Variants in PCDHGA7 observed in about 807,000 individuals in gnomAD.
PCDHGA7 encodes the protein protocadherin gamma subfamily A, 7.
Under a neutral mutation model 58.3 loss-of-function variants are expected in PCDHGA7, and 44 were observed. The ratio of observed to expected loss-of-function variants is 0.75; its 90% CI spans 0.59 to 0.97. The LOEUF (loss-of-function observed/expected upper bound fraction) is 0.97, where lower values mean the gene tolerates loss of function less well. Ranked by LOEUF, PCDHGA7 falls within the 50% of genes least tolerant of loss-of-function variation. The pLI is 0.00. For missense variants in PCDHGA7, 1,266 were observed against 1,188.7 expected (o/e 1.06, Z -0.96); for synonymous variants, 516 against 504.2 (o/e 1.02, Z -0.31).
In PCDHGA7 at chr5:141,389,878, G is replaced by A. The variant is rs1369885786; in HGVS notation, c.2424+4555G>A. On this transcript the variant is annotated intron_variant, in intron 1 of 3. Coordinates refer to ENST00000518325, the MANE Select transcript of PCDHGA7 (RefSeq NM_018920.4). ...ACGTTGCACCTGGTCTTCGCCGACA[G>A]CTTGCAGGAGGTGCTGCCGGATATC... The A allele has an allele frequency of 6.2e-7, 1 of 1,613,972 alleles. No individual in the cohort carries two copies. The highest frequency in any genetic ancestry group is 1.3e-5 in the African/African-American group (1 of 74,952).
chr5:141,418,647 G>C, intron 1 of PCDHGA7: 1 of 1,614,034 alleles, frequency 6.2e-7, no homozygotes, highest in Non-Finnish European at 8.5e-7. Flanking sequence ...TCCATCCTGA[G>C]AGTGAAGGCC....
intron 1 of PCDHGA7, chr5:141,423,722 G>T: frequency 1.0e-6 from 1 of 954,174 alleles, no homozygotes; most frequent in Non-Finnish European, 1.3e-6. Flanking sequence ...TTAAGGAGAT[G>T]TTTTTTGAGC....
chr5:141,432,503 G>T lies in PCDHGA7; in HGVS notation c.2424+47180G>T, dbSNP rs939325676. 8.7e-6 allele frequency: 14 copies of T among 1,613,988 alleles called. No homozygotes were observed. The highest frequency in any genetic ancestry group is 1.3e-5 in the African/African-American group (1 of 74,930). ...TGGCGTGGAGCTGGCTCCCCGCTCC[G>T]CAGAGCCCGGCTACCTGGTGACCAA... On this transcript the variant is annotated intron_variant, in intron 1 of 3. Transcript: ENST00000518325. The surrounding 1 kb of genome is among the most constrained non-coding windows in gnomAD (Gnocchi z 6.0).
intron 1 of PCDHGA7, among the ~76,000 whole-genome samples, chr5:141,479,909 A>G (rs2099509651): frequency 6.6e-6 from 1 of 152,160 alleles, no homozygotes; most frequent in South Asian, 2.1e-4. Context: ...AAACACTGTT[A>G]TTTTGTTACT....
At chr5:141,436,950 C>A (rs894702404) in intron 1 of PCDHGA7, among the ~76,000 whole-genome samples, 3 of 152,138 alleles carry the variant, frequency 2.0e-5, no homozygotes, top group African/African-American at 7.2e-5. Flanking sequence ...ATAGTGAAAT[C>A]TAAACAAGGA....
chr5:141,391,176 T>C (rs562307508), intron 1 of PCDHGA7: 1 of 152,322 alleles, frequency 6.6e-6, no homozygotes, highest in African/African-American at 2.4e-5. Context: ...ACTGCCAATC[T>C]GGTGTGCATA....
Position 141,476,176 on chromosome 5 carries a change from G to C in PCDHGA7, c.2425-18631G>C, listed in dbSNP as rs778169270. 1 of 1,613,530 alleles carries C rather than the reference G, an allele frequency of 6.2e-7. No homozygotes were observed. The highest frequency in any genetic ancestry group is 8.5e-7 in the Non-Finnish European group (1 of 1,180,006). On this transcript the variant is annotated intron_variant, in intron 1 of 3. Transcript: ENST00000518325. The surrounding 1 kb of genome is among the most constrained non-coding windows in gnomAD (Gnocchi z 7.6). ...GCACCGGGAGGGTAGTGGGAGTTTT[G>C]CTTCTGCTTGGTGCCTTGAACAAGG...
At chr5:141,460,983 G>GTGTA (rs1554142949) in intron 1 of PCDHGA7, among the ~76,000 whole-genome samples, 1,579 of 137,794 alleles carry the variant, frequency 0.011, 39 homozygotes, top group African/African-American at 0.038. Context: ...GTGTGTGTGT[G>GTGTA]TATATATATA....
rs560582745 is a variant in PCDHGA7 at position 141,399,792 on chromosome 5, A to C, written c.2424+14469A>C. On this transcript the variant is annotated intron_variant, in intron 1 of 3. Transcript: ENST00000518325. ...TGGTGGGCGACCGAAACGACAACGCACCGCGGGTGCTGTACCCCGCGCTGG... is the reference window on the plus strand; with the variant it reads ...TGGTGGGCGACCGAAACGACAACGCCCCGCGGGTGCTGTACCCCGCGCTGG... 8 of 1,613,146 alleles carry C rather than the reference A, an allele frequency of 5.0e-6. No homozygotes were observed. The South Asian group carries it at 8.8e-5, about 18-fold the overall frequency.
At chr5:141,398,729 A>T in intron 1 of PCDHGA7, 1 of 1,613,820 alleles carries the variant, frequency 6.2e-7, no homozygotes, top group Non-Finnish European at 8.5e-7. Flanking sequence ...AAAACCTTAG[A>T]CCGGGAACAA....
chr5:141,398,563 G>A lies in PCDHGA7; in HGVS notation c.2424+13240G>A, dbSNP rs375890903. The A allele has an allele frequency of 2.4e-5, 39 of 1,613,842 alleles. No individual in the cohort carries two copies. The African/African-American group carries it at 3.2e-4, about 13-fold the overall frequency. On this transcript the variant is annotated intron_variant, in intron 1 of 3. Coordinates refer to ENST00000518325, the MANE Select transcript of PCDHGA7 (RefSeq NM_018920.4). Reference sequence around the variant, plus strand: ...CTTTGAGCTGCAAATAAGTGAGTCTGCACAGCCTGGCACAAGATTTATACT... The same window carrying A: ...CTTTGAGCTGCAAATAAGTGAGTCTACACAGCCTGGCACAAGATTTATACT...
At chr5:141,399,231 T>C in intron 1 of PCDHGA7, 1 of 1,613,942 alleles carries the variant, frequency 6.2e-7, no homozygotes, top group Non-Finnish European at 8.5e-7. Flanking sequence ...TCAAAATACA[T>C]GACCAAGATT....
intron 1 of PCDHGA7, chr5:141,395,233 G>T: frequency 6.2e-7 from 1 of 1,602,052 alleles, no homozygotes; most frequent in Non-Finnish European, 8.5e-7. Context: ...GCTGATCATG[G>T]TCAGGTGAGT....
At chr5:141,402,491 A>T (rs1186098298) in intron 1 of PCDHGA7, among the ~76,000 whole-genome samples, 1 of 152,242 alleles carries the variant, frequency 6.6e-6, no homozygotes, top group Non-Finnish European at 1.5e-5. Flanking sequence ...TCTACCAAGA[A>T]TAAGAATAAA....
intron 1 of PCDHGA7, chr5:141,393,560 G>A (rs1448273528): frequency 1.5e-5 from 24 of 1,613,796 alleles, no homozygotes; most frequent in Non-Finnish European, 2.0e-5. Context: ...TTTACCGAGT[G>A]AAAGTCCTTG....
chr5:141,389,990 C>T (rs2091998485), intron 1 of PCDHGA7: 3 of 1,614,044 alleles, frequency 1.9e-6, no homozygotes, highest in Non-Finnish European at 8.5e-7. Context: ...TGCTCTTCCT[C>T]GTGGCCATGA....
At chr5:141,484,968 C>A (rs2099604490) in intron 1 of PCDHGA7, 2 of 585,734 alleles carry the variant, frequency 3.4e-6, no homozygotes, top group African/African-American at 3.7e-5. Context: ...GCCCGGGAGC[C>A]GCTGTCTGCC....
In PCDHGA7 at chr5:141,491,219, C is replaced by T; in HGVS notation, c.2425-3588C>T. ...GGTGACCCTTCACTCTCCTCCACAG[C>T]CACAGTGCTGCTGGTTCTGGAGGAT... is the stretch of plus-strand genomic sequence containing the variant. On this transcript the variant is annotated intron_variant, in intron 1 of 3. Coordinates refer to ENST00000518325, the MANE Select transcript of PCDHGA7 (RefSeq NM_018920.4). The surrounding 1 kb of genome is among the most constrained non-coding windows in gnomAD (Gnocchi z 6.9). 3 of 1,614,208 alleles carry T rather than the reference C, an allele frequency of 1.9e-6. No homozygotes were observed. The highest frequency in any genetic ancestry group is 2.5e-6 in the Non-Finnish European group (3 of 1,180,028).
intron 1 of PCDHGA7, chr5:141,478,831 G>C: frequency 7.0e-7 from 1 of 1,435,672 alleles, no homozygotes; most frequent in Non-Finnish European, 9.1e-7. Flanking sequence ...ATCTTGCTAA[G>C]GGATGGTTAA....
Sources: allele counts gnomAD v4.1 joint callset (sites outside exome capture counted in the v4.1 genomes callset), GRCh38; gene constraint gnomAD v4.1.1; non-coding constraint Gnocchi (gnomAD v3.1); transcripts MANE v1.5; gene names NCBI Gene and HGNC (gene_info 2026-07-23, HGNC 2026-07-21).